Variants in SUPT16H observed in about 807,000 individuals in gnomAD.
The protein encoded by SUPT16H is FACT complex subunit SPT16.
In SUPT16H, 24 loss-of-function variants were observed where a neutral mutation model predicts 136.2. The observed-to-expected ratio is 0.18, with a 90% CI of 0.13 to 0.25. The LOEUF (loss-of-function observed/expected upper bound fraction) is 0.25. Among genes scored for constraint, SUPT16H ranks in the 10% least tolerant of loss-of-function variants. The pLI is 1.00. For synonymous variants in SUPT16H, 415 were observed against 428.2 expected (o/e 0.97, Z 0.38); for missense variants, 623 against 1,270.2 (o/e 0.49, Z 7.74).
At chr14:21,367,603 G>GT (rs1178876738) in intron 7 of SUPT16H, among the ~76,000 whole-genome samples, 7 of 152,168 alleles carry the variant, frequency 4.6e-5, no homozygotes, top group Non-Finnish European at 1.0e-4. Context: ...AGTATCCTTC[G>GT]TATCGTTTTG....
rs931190337 is a variant in SUPT16H, at chr14:21,358,009, G to A, written c.2415-7C>T. ...ATAGGGAGCTCCGTTAAATCTGGAA[G>A]AGACAAACTTTTAAGACTGAGCTCA... On this transcript the variant is annotated splice_region_variant and splice_polypyrimidine_tract_variant and intron_variant, in intron 20 of 25. Coordinates refer to ENST00000216297, the MANE Select transcript of SUPT16H (RefSeq NM_007192.4). 2.5e-6 allele frequency: 4 copies of A among 1,613,160 alleles called. No homozygotes were observed. Among genetic ancestry groups the A allele is most frequent in the Non-Finnish European group, 3.4e-6 (4 of 1,179,436 alleles).
intron 1 of SUPT16H, among the ~76,000 whole-genome samples, chr14:21,377,872 C>T (rs1886937692): frequency 1.3e-5 from 2 of 152,196 alleles, no homozygotes; most frequent in Non-Finnish European, 2.9e-5. Context: ...GATCTGCCCA[C>T]CTCGGCCTCC....
chr14:21,353,919 T>A, intron 23 of SUPT16H, 87 bp from the exon 24 acceptor site: 1 of 1,292,038 alleles, frequency 7.7e-7, no homozygotes, highest in Non-Finnish European at 1.0e-6. Context: ...AGTATACCAG[T>A]ATTTACATGA....
chr14:21,359,577 C>T lies in SUPT16H; in HGVS notation c.2208G>A (p.Thr736=), dbSNP rs139776422. ...CCACTTCTGTGTAGAACTGCACATC[C>T]GTGTGCCGCTTCTTCCCAAACATGA... ...NAIMFGKKRH[T]DVQFYTEVGE... The change falls in exon 19 of 26, where the codon ACG becomes ACA. Residue 736 remains threonine (T), a synonymous_variant. Coordinates refer to ENST00000216297, the MANE Select transcript of SUPT16H (RefSeq NM_007192.4). 1.2e-5 allele frequency: 19 copies of T among 1,613,974 alleles called. No individual in the cohort carries two copies. The African/African-American group carries it at 1.3e-4, about 11-fold the overall frequency.
At chr14:21,365,872 G>T (rs1342501557) in intron 8 of SUPT16H, among the ~76,000 whole-genome samples, 1 of 152,162 alleles carries the variant, frequency 6.6e-6, no homozygotes, top group Non-Finnish European at 1.5e-5. Context: ...GGAGATCAAG[G>T]TGGGAGGACT....
At chr14:21,379,682 T>G (rs1886979274) in intron 1 of SUPT16H, among the ~76,000 whole-genome samples, 1 of 151,960 alleles carries the variant, frequency 6.6e-6, no homozygotes, top group Non-Finnish European at 1.5e-5. Flanking sequence ...GGTGGAACCC[T>G]GTCTCCACAA....
At chr14:21,360,357 T>TTC in intron 18 of SUPT16H, 58 bp downstream of exon 18, 1 of 1,306,666 alleles carries the variant, frequency 7.7e-7, no homozygotes, top group Non-Finnish European at 1.1e-6. Flanking sequence ...GGAAAGAAGC[T>TTC]GAGTGAAATG....
chr14:21,364,991 G>A (rs758212497), intron 9 of SUPT16H, 52 bp from the exon 10 acceptor site: 1 of 1,606,766 alleles, frequency 6.2e-7, no homozygotes, highest in Non-Finnish European at 8.5e-7. Context: ...GTGGAGAGGT[G>A]TGAGACATAT....
intron 1 of SUPT16H, among the ~76,000 whole-genome samples, chr14:21,379,545 TACTC>T (rs749071222): frequency 6.6e-6 from 1 of 151,880 alleles, no homozygotes; most frequent in African/African-American, 2.4e-5. Flanking sequence ...TAACCCTCCT[TACTC>T]AGCATTATTA....
At chr14:21,370,011 G>A in intron 4 of SUPT16H, 115 bp from the exon 5 acceptor site, 2 of 1,224,270 alleles carry the variant, frequency 1.6e-6, no homozygotes, top group Non-Finnish European at 2.3e-6. Flanking sequence ...AACTATCACT[G>A]GTTTGCAGAA....
rs566879303 is a variant in SUPT16H, at chr14:21,366,353, A to G, written c.1046+86T>C. 4.7e-5 allele frequency: 59 copies of G among 1,265,300 alleles called. No individual in the cohort carries two copies. The East Asian group carries it at 1.3e-3, about 29-fold the overall frequency. The allele number at this position is 1,265,300 out of a possible 1,614,324, so 78.4% of individuals were successfully genotyped here. On this transcript the variant is annotated intron_variant, in intron 8 of 25. Coordinates refer to ENST00000216297, the MANE Select transcript of SUPT16H (RefSeq NM_007192.4). ...CTAGTCCATAAATGTTGGCTGAATC[A>G]ATCAATTAGCCTAAAGAAATAAGAC...
intron 3 of SUPT16H, 95 bp from the exon 4 acceptor site, chr14:21,370,583 G>A (rs1886764975): frequency 7.3e-7 from 1 of 1,373,004 alleles, no homozygotes; most frequent in East Asian, 2.3e-5. Flanking sequence ...CTAAACTACG[G>A]AAAAAATTAA....
chr14:21,355,743 G>T (rs556298049), intron 22 of SUPT16H, among the ~76,000 whole-genome samples: 2 of 151,910 alleles, frequency 1.3e-5, no homozygotes, highest in African/African-American at 2.4e-5. Context: ...TCAGTTAAGA[G>T]TGGGTAAGAA....
rs551890786 is a variant in SUPT16H, at chr14:21,357,526, C to G, written c.2491-160G>C. On this transcript the variant is annotated intron_variant, in intron 21 of 25. Coordinates refer to ENST00000216297, the MANE Select transcript of SUPT16H (RefSeq NM_007192.4). Reference sequence around the variant, plus strand: ...GAGGCAGTACAACATACTAAGAAGCCACAGAAAAAGGATCTGCAAGATACA... The same window carrying G: ...GAGGCAGTACAACATACTAAGAAGCGACAGAAAAAGGATCTGCAAGATACA... 9.3e-5 allele frequency among the ~76,000 whole-genome samples: 14 copies of G among 150,664 alleles called. No homozygotes were observed. In the East Asian group the frequency reaches 2.5e-3, roughly 27 times the overall value.
chr14:21,368,479 A>G, intron 6 of SUPT16H, 38 bp from the exon 7 acceptor site: 1 of 1,570,228 alleles, frequency 6.4e-7, no homozygotes, highest in Non-Finnish European at 8.6e-7. Flanking sequence ...TTCATTACCA[A>G]AACTAGCAAA....
intron 10 of SUPT16H, 43 bp downstream of exon 10, chr14:21,364,784 A>C (rs372243025): frequency 6.4e-7 from 1 of 1,557,234 alleles, no homozygotes; most frequent in African/African-American, 1.4e-5. Flanking sequence ...CGTGCCTCAG[A>C]AGTTAGTTCA....
At chr14:21,358,122 TC>T in intron 20 of SUPT16H, 120 bp from the exon 21 acceptor site, 1 of 945,792 alleles carries the variant, frequency 1.1e-6, no homozygotes, top group Non-Finnish European at 1.6e-6. Flanking sequence ...TGGAGACTCA[TC>T]CAGAGGAAGC....
intron 2 of SUPT16H, chr14:21,372,287 T>C (rs1886803660): frequency 2.4e-5 from 11 of 450,012 alleles, no homozygotes; most frequent in Non-Finnish European, 1.2e-5. Context: ...TTGAACTTTC[T>C]ATAATTAAAA....
chr14:21,382,824 G>C (rs1363958453), intron 1 of SUPT16H, among the ~76,000 whole-genome samples: 1 of 152,054 alleles, frequency 6.6e-6, no homozygotes, highest in Non-Finnish European at 1.5e-5. Flanking sequence ...ATTATCTAAT[G>C]TATTTAGCCC....
Sources: gnomAD v4.1 joint callset for allele counts (sites outside exome capture counted in the v4.1 genomes callset) on GRCh38, gnomAD v4.1.1 for gene constraint, MANE v1.5 for transcripts, NCBI Gene and HGNC (gene_info 2026-07-23, HGNC 2026-07-21) for gene names.